The following STK3 variants were observed in gnomAD, a reference collection of about 807,000 sequenced individuals.
STK3 encodes the protein serine/threonine kinase 3.
STK3 carries 41 observed loss-of-function variants against 58.0 expected under a neutral mutation model. The ratio of observed to expected loss-of-function variants is 0.71; its 90% CI spans 0.55 to 0.92. The LOEUF is 0.92. Among genes scored for constraint, STK3 ranks in the 40% least tolerant of loss-of-function variants. The pLI is 0.00. For missense variants in STK3, 479 were observed against 602.7 expected, an observed-to-expected ratio of 0.79 and a Z score of 2.15; for synonymous variants, 170 against 191.0, an observed-to-expected ratio of 0.89 and a Z score of 0.91.
chr8:98,934,581 G>T (rs1840128225), intron 1 of STK3, among the ~76,000 whole-genome samples: 1 of 152,226 alleles, frequency 6.6e-6, no homozygotes, highest in African/African-American at 2.4e-5. Context: ...TGAAAACGAT[G>T]TAGAACCAAT....
chr8:98,849,721 C>G (rs148047664), intron 3 of STK3, among the ~76,000 whole-genome samples: 1 of 152,206 alleles, frequency 6.6e-6, no homozygotes, highest in African/African-American at 2.4e-5. Context: ...ATTTCAGATA[C>G]CAAAAGAGAT....
At chr8:98,787,239 T>TA (rs1832533201) in intron 1 of STK3, among the ~76,000 whole-genome samples, 1 of 57,894 alleles carries the variant, frequency 1.7e-5, no homozygotes, top group Admixed American at 1.6e-4. Context: ...ATAGCATAAA[T>TA]AAAAAAACTT....
At chr8:98,760,966 C>T (rs376250335) in intron 3 of STK3, among the ~76,000 whole-genome samples, 75 of 152,176 alleles carry the variant, frequency 4.9e-4, no homozygotes, top group Admixed American at 1.2e-3. Flanking sequence ...ACAAATTATA[C>T]GGACTGAATC....
At chr8:98,451,818 C>T (rs1160098710), downstream of STK3, among the ~76,000 whole-genome samples, 1 of 149,434 alleles carries the variant, frequency 6.7e-6, no homozygotes, top group Admixed American at 6.7e-5. Flanking sequence ...GTCCAGGTCC[C>T]ATCATGTTGC....
upstream of STK3, among the ~76,000 whole-genome samples, chr8:98,392,788 T>A (rs112534665): frequency 8.5e-5 from 13 of 152,246 alleles, no homozygotes; most frequent in African/African-American, 2.6e-4. Flanking sequence ...TTCCACTTCT[T>A]CTCCTGTCCA....
At chr8:98,513,372 G>T (rs945843282) in intron 10 of STK3, among the ~76,000 whole-genome samples, 1 of 152,146 alleles carries the variant, frequency 6.6e-6, no homozygotes, top group Admixed American at 6.5e-5. Context: ...AAGTTGCACA[G>T]CACCAAGATA....
At chr8:98,414,128 G>A (rs1206164024) in intron 3 of STK3, among the ~76,000 whole-genome samples, 1 of 152,182 alleles carries the variant, frequency 6.6e-6, no homozygotes, top group African/African-American at 2.4e-5. Context: ...GCCAGGCATA[G>A]TGGTGCATGC....
Position 98,918,393 on chromosome 8 carries a change from T to C in STK3, c.-79+23985A>G, listed in dbSNP as rs150628967. On this transcript the variant is annotated intron_variant, in intron 1 of 1. Transcript: ENST00000519420. ...TAAGAGCCTGGAGCATAATCAATGC[T>C]TAACAAATATTCTTTCCTCTCTGCT... Among the ~76,000 whole-genome samples the C allele has an allele frequency of 4.3e-4, 66 of 152,338 alleles. No individual in the cohort carries two copies. In the Middle Eastern group the frequency reaches 0.01, roughly 24 times the overall value.
intron 4 of STK3, among the ~76,000 whole-genome samples, chr8:98,733,888 T>C (rs1293780406): frequency 1.3e-5 from 2 of 152,148 alleles, no homozygotes; most frequent in Admixed American, 6.6e-5. Flanking sequence ...CACACTGCTA[T>C]AAAGAACTAC....
intron 6 of STK3, among the ~76,000 whole-genome samples, chr8:98,672,263 G>A (rs1242238019): frequency 2.0e-5 from 3 of 151,884 alleles, no homozygotes. Context: ...TGGGTGTGGG[G>A]GGTTAGGGGG....
At chr8:98,706,188 T>C (rs920047602) in intron 6 of STK3, among the ~76,000 whole-genome samples, 6 of 152,182 alleles carry the variant, frequency 3.9e-5, no homozygotes, top group African/African-American at 4.8e-5. Flanking sequence ...TTACCAACCC[T>C]TTCTTCTATT....
intron 1 of STK3, among the ~76,000 whole-genome samples, chr8:98,806,827 G>A (rs563455514): frequency 3.3e-5 from 5 of 152,064 alleles, no homozygotes; most frequent in South Asian, 2.1e-4. Flanking sequence ...AAGTGACAAC[G>A]CCAATTAGTA....
chr8:98,653,387 T>C (rs1014355445), intron 6 of STK3, among the ~76,000 whole-genome samples: 3 of 151,750 alleles, frequency 2.0e-5, no homozygotes, highest in Non-Finnish European at 4.4e-5. Flanking sequence ...GCAGGAAAGA[T>C]CCAAAATTGA....
chr8:98,770,699 C>T (rs1236142556), intron 2 of STK3, among the ~76,000 whole-genome samples: 1 of 152,124 alleles, frequency 6.6e-6, no homozygotes, highest in African/African-American at 2.4e-5. Context: ...CAGAGGATAC[C>T]AGCATCGACC....
chr8:98,644,908 G>A (rs190790549), intron 6 of STK3, among the ~76,000 whole-genome samples: 3 of 152,266 alleles, frequency 2.0e-5, no homozygotes, highest in East Asian at 1.9e-4. Context: ...ATGGCTCCAC[G>A]TATTCAGATG....
chr8:98,535,546 C>T (rs1809684797), intron 9 of STK3, among the ~76,000 whole-genome samples: 1 of 151,500 alleles, frequency 6.6e-6, no homozygotes, highest in Non-Finnish European at 1.5e-5. Flanking sequence ...ATAAGAAACT[C>T]TTCATCCCAG....
At chr8:98,410,967 A>AACAAC (rs1818047859) in intron 3 of STK3, among the ~76,000 whole-genome samples, 1 of 152,198 alleles carries the variant, frequency 6.6e-6, no homozygotes, top group Non-Finnish European at 1.5e-5. Flanking sequence ...ACATGTCCTT[A>AACAAC]TTGCAATGAA....
intron 10 of STK3, among the ~76,000 whole-genome samples, chr8:98,470,125 C>T (rs778452354): frequency 3.3e-5 from 5 of 152,132 alleles, no homozygotes; most frequent in East Asian, 1.9e-4. Flanking sequence ...GTCAGAGTAG[C>T]GGTGCAATAC....
intron 3 of STK3, among the ~76,000 whole-genome samples, chr8:98,751,976 A>G (rs966668955): frequency 7.9e-5 from 12 of 151,946 alleles, no homozygotes; most frequent in African/African-American, 2.9e-4. Context: ...AATAATATAT[A>G]AACACACACA....
Sources: allele counts gnomAD v4.1 joint callset (sites outside exome capture counted in the v4.1 genomes callset), GRCh38; gene constraint gnomAD v4.1.1; transcripts MANE v1.5; gene names NCBI Gene and HGNC (gene_info 2026-07-23, HGNC 2026-07-21).